ASTN1: variants seen among roughly 807,000 people sequenced by gnomAD.
The protein encoded by ASTN1 is astrotactin-1.
Under a neutral mutation model 140.7 loss-of-function variants are expected in ASTN1, and 41 were observed. The observed-to-expected ratio is 0.29, with a 90% CI of 0.23 to 0.38. ASTN1 has a LOEUF of 0.38. Ranked by LOEUF, ASTN1 falls within the 10% of genes least tolerant of loss-of-function variation. The pLI, the probability that ASTN1 is intolerant of heterozygous loss-of-function variation, is 1.00. For missense variants in ASTN1, 1,479 were observed against 1,678.8 expected (o/e 0.88, Z 2.08); for synonymous variants, 640 against 652.2 (o/e 0.98, Z 0.29).
chr1:176,863,362 AGGTAAGAGGT>A lies in ASTN1; in HGVS notation c.*912_*921del. ...ACATCGGCCAAGCCTTACCTGTCCA[AGGTAAGAGGT>A]GTGGGGGTTAAAGATAATCCAGGCA... On this transcript the variant is annotated 3_prime_UTR_variant, in exon 23 of 23. Coordinates refer to ENST00000361833, the MANE Select transcript of ASTN1 (RefSeq NM_004319.3). The A allele has an allele frequency of 2.0e-6, 2 of 985,858 alleles. No homozygotes were observed. Among genetic ancestry groups the A allele is most frequent in the Non-Finnish European group, 1.2e-6 (1 of 829,946 alleles). The allele number at this position is 985,858 out of a possible 1,614,324, so 61.1% of individuals were successfully genotyped here. A position where few individuals can be genotyped will look rare whatever the true frequency, so the allele number is the denominator to read the frequency against.
chr1:176,985,507 A>G (rs1033584649), intron 8 of ASTN1, among the ~76,000 whole-genome samples: 1 of 152,172 alleles, frequency 6.6e-6, no homozygotes, highest in Admixed American at 6.5e-5. Flanking sequence ...CAAAGACTCC[A>G]GGCTAAATCA....
chr1:176,920,892 C>T (rs2103072921), intron 16 of ASTN1, among the ~76,000 whole-genome samples: 1 of 152,342 alleles, frequency 6.6e-6, no homozygotes, highest in East Asian at 1.9e-4. Flanking sequence ...TCATAGATTT[C>T]CCTCAAGGTG....
intron 1 of ASTN1, among the ~76,000 whole-genome samples, chr1:177,102,387 G>A (rs547081802): frequency 6.6e-6 from 1 of 152,206 alleles, no homozygotes; most frequent in Admixed American, 6.5e-5. Flanking sequence ...AAGGAAAGAA[G>A]AATTCAAATT....
At chr1:177,037,402 T>C (rs1049022274) in intron 2 of ASTN1, among the ~76,000 whole-genome samples, 1 of 152,250 alleles carries the variant, frequency 6.6e-6, no homozygotes, top group African/African-American at 2.4e-5. Context: ...CATCTGCTCA[T>C]GAGCACACTG....
chr1:176,877,402 C>T (rs1668610958), intron 20 of ASTN1, among the ~76,000 whole-genome samples: 1 of 152,182 alleles, frequency 6.6e-6, no homozygotes, highest in Non-Finnish European at 1.5e-5. Context: ...CTCTTCATTC[C>T]CCACATACAG....
downstream of ASTN1, chr1:176,857,591 G>A (rs201892407): frequency 1.9e-3 from 1,123 of 599,774 alleles, 22 homozygotes; most frequent in South Asian, 0.022. Flanking sequence ...CCTGGCTGCC[G>A]TCTTCTTCCT....
chr1:176,912,783 T>C (rs1238758263), intron 16 of ASTN1, among the ~76,000 whole-genome samples: 1 of 152,210 alleles, frequency 6.6e-6, no homozygotes, highest in Non-Finnish European at 1.5e-5. Context: ...AAAGTAGTTT[T>C]AACAAAGAAT....
At chr1:177,017,870 C>A (rs1258904756) in intron 7 of ASTN1, among the ~76,000 whole-genome samples, 1 of 152,162 alleles carries the variant, frequency 6.6e-6, no homozygotes, top group Non-Finnish European at 1.5e-5. Context: ...ACTTCCCATT[C>A]TACAGCTGAA....
At chr1:176,931,707 G>C (rs1671211667) in intron 16 of ASTN1, among the ~76,000 whole-genome samples, 1 of 152,156 alleles carries the variant, frequency 6.6e-6, no homozygotes. Context: ...CCACATGGAA[G>C]TCACCACCTC....
At chr1:176,869,148 T>G in intron 21 of ASTN1, 121 bp from the exon 22 acceptor site, 2 of 624,210 alleles carry the variant, frequency 3.2e-6, no homozygotes, top group Non-Finnish European at 4.8e-6. Context: ...TGTAGATCAT[T>G]TATAATGTAT....
rs1675457577 is a variant in ASTN1, at chr1:177,014,749, G to C, written c.1523+42C>G. On this transcript the variant is annotated intron_variant, in intron 8 of 22. Transcript: ENST00000361833. ...CCACGTCATGTCTGTGTAAGGAGCA[G>C]TGATATGTGGGAACCAGCTAAGTCG... 1.9e-6 allele frequency: 3 copies of C among 1,542,832 alleles called. No individual in the cohort carries two copies. In the Admixed American group the frequency reaches 5.0e-5, roughly 26 times the overall value.
intron 8 of ASTN1, among the ~76,000 whole-genome samples, chr1:176,970,628 T>G (rs1673101629): frequency 6.6e-6 from 1 of 151,412 alleles, no homozygotes; most frequent in African/African-American, 2.4e-5. Context: ...GACAGATAGA[T>G]AGATAAAAGA....
At chr1:176,877,950 C>A (rs1371628763) in intron 20 of ASTN1, among the ~76,000 whole-genome samples, 2 of 152,194 alleles carry the variant, frequency 1.3e-5, no homozygotes, top group African/African-American at 4.8e-5. Flanking sequence ...AAGAAATATG[C>A]ATTTCTCTCA....
rs1180495302 is a variant in ASTN1 at position 176,978,975 on chromosome 1, G to A, written c.1524-13738C>T. ...TGCATTCAGCAGCTGGCATGGCCAAGCTCTGTACTCTGGGGATACAGAGGT... is the reference window on the plus strand; with the variant it reads ...TGCATTCAGCAGCTGGCATGGCCAAACTCTGTACTCTGGGGATACAGAGGT... On this transcript the variant is annotated intron_variant, in intron 8 of 22. Coordinates refer to ENST00000361833, the MANE Select transcript of ASTN1 (RefSeq NM_004319.3). Among the ~76,000 whole-genome samples, 3 of 152,226 alleles carry A rather than the reference G, an allele frequency of 2.0e-5. No individual in the cohort carries two copies. The East Asian group carries it at 5.8e-4, about 29-fold the overall frequency.
chr1:176,977,252 A>T (rs1253441923), intron 8 of ASTN1, among the ~76,000 whole-genome samples: 2 of 152,336 alleles, frequency 1.3e-5, no homozygotes, highest in East Asian at 3.9e-4. Context: ...TAAATTCAAC[A>T]TATATTTAGC....
At chr1:176,920,510 C>T (rs1670680387) in intron 16 of ASTN1, among the ~76,000 whole-genome samples, 1 of 152,188 alleles carries the variant, frequency 6.6e-6, no homozygotes, top group African/African-American at 2.4e-5. Flanking sequence ...CCTTACAGTG[C>T]CTTTCGGGGT....
chr1:176,917,774 A>C (rs1011995961), intron 16 of ASTN1, among the ~76,000 whole-genome samples: 4 of 152,088 alleles, frequency 2.6e-5, no homozygotes, highest in African/African-American at 9.7e-5. Flanking sequence ...CAGCACACTC[A>C]CCTTGGAGAC....
intron 2 of ASTN1, among the ~76,000 whole-genome samples, chr1:177,038,093 C>A (rs1571691087): frequency 6.6e-6 from 1 of 152,160 alleles, no homozygotes; most frequent in Non-Finnish European, 1.5e-5. Flanking sequence ...ATGCTTATCC[C>A]AGTCCTCTGG....
chr1:177,105,822 C>T (rs2102141624), intron 1 of ASTN1, among the ~76,000 whole-genome samples: 1 of 152,230 alleles, frequency 6.6e-6, no homozygotes, highest in South Asian at 2.1e-4. Flanking sequence ...ATGTCCATTT[C>T]ACTGTAAAAA....
Sources: gnomAD v4.1 joint callset for allele counts (sites outside exome capture counted in the v4.1 genomes callset) on GRCh38, gnomAD v4.1.1 for gene constraint, MANE v1.5 for transcripts, NCBI Gene and HGNC (gene_info 2026-07-23, HGNC 2026-07-21) for gene names.